The following SLC35F3 variants were observed in gnomAD, a reference collection of about 807,000 sequenced individuals.
SLC35F3 encodes putative thiamine transporter SLC35F3.
Under a neutral mutation model 49.9 loss-of-function variants are expected in SLC35F3, and 25 were observed. That is an observed-to-expected ratio of 0.50 (90% confidence interval 0.37 to 0.70). The LOEUF (loss-of-function observed/expected upper bound fraction) is 0.70, where lower values mean the gene tolerates loss of function less well. SLC35F3 is among the 30% of genes least tolerant of loss of function. The probability of loss-of-function intolerance (pLI) is 0.00; values close to 1 mark genes in which losing one functional copy is unlikely to be tolerated. For synonymous variants in SLC35F3, 275 were observed against 265.4 expected, an observed-to-expected ratio of 1.04 and a Z score of -0.35; for missense variants, 525 against 639.8, an observed-to-expected ratio of 0.82 and a Z score of 1.94.
chr1:234,089,955 T>A (rs1308103203), intron 2 of SLC35F3, among the ~76,000 whole-genome samples: 1 of 152,204 alleles, frequency 6.6e-6, no homozygotes, highest in African/African-American at 2.4e-5. Flanking sequence ...ACCAGGAGAA[T>A]TCCTTTTGAA....
intron 2 of SLC35F3, among the ~76,000 whole-genome samples, chr1:234,024,320 C>T (rs560399707): frequency 6.6e-6 from 1 of 152,090 alleles, no homozygotes; most frequent in African/African-American, 2.4e-5. Flanking sequence ...ATGCTGAGAA[C>T]AGGAGTGGGA....
chr1:234,245,955 G>A (rs1386939496), intron 3 of SLC35F3, among the ~76,000 whole-genome samples: 2 of 152,104 alleles, frequency 1.3e-5, no homozygotes, highest in Non-Finnish European at 2.9e-5. Flanking sequence ...AGGCAGTTAC[G>A]AGCCTGCCCA....
intron 3 of SLC35F3, among the ~76,000 whole-genome samples, chr1:234,266,961 G>C (rs1296345806): frequency 7.3e-6 from 1 of 136,942 alleles, no homozygotes; most frequent in Admixed American, 7.5e-5. Context: ...CAATAGTGGA[G>C]GGAAGGTCAG....
At chr1:233,954,119 G>C (rs985865268) in intron 2 of SLC35F3, among the ~76,000 whole-genome samples, 1 of 151,524 alleles carries the variant, frequency 6.6e-6, no homozygotes. Flanking sequence ...CTATTCTCCT[G>C]CCTCGGCCTC....
chr1:234,206,597 C>T (rs1168578589), intron 2 of SLC35F3, among the ~76,000 whole-genome samples: 1 of 152,124 alleles, frequency 6.6e-6, no homozygotes, highest in Non-Finnish European at 1.5e-5. Flanking sequence ...TAGTGACTTT[C>T]CACGCATTCG....
At chr1:234,315,436 C>T (rs1657465967) in intron 4 of SLC35F3, among the ~76,000 whole-genome samples, 1 of 152,180 alleles carries the variant, frequency 6.6e-6, no homozygotes, top group Non-Finnish European at 1.5e-5. Flanking sequence ...TATGTAAGCA[C>T]CAACTTTGCA....
At position 234,207,762 on chromosome 1, in the gene SLC35F3, G is replaced by A. The variant is rs537216509; in HGVS notation, c.284-23655G>A. Among the ~76,000 whole-genome samples, 643 of 152,276 alleles carry A rather than the reference G, an allele frequency of 4.2e-3. 3 individuals carry two copies. The highest frequency in any genetic ancestry group is 7.9e-3 in the Non-Finnish European group (534 of 68,022). ...CATGCCTATAATCCTAGTGCTTTGA[G>A]AGTCCAAGGCAGGAGGATTGCTTGA... is the stretch of plus-strand genomic sequence containing the variant. On this transcript the variant is annotated intron_variant, in intron 2 of 7. Transcript: ENST00000366618.
chr1:234,150,842 TG>T (rs1439371617), intron 2 of SLC35F3, among the ~76,000 whole-genome samples: 1 of 152,176 alleles, frequency 6.6e-6, no homozygotes, highest in African/African-American at 2.4e-5. Flanking sequence ...CTGGTGTCTG[TG>T]GGGGAAAGAA....
At chr1:233,937,778 G>A (rs1194726166) in intron 2 of SLC35F3, among the ~76,000 whole-genome samples, 2 of 152,162 alleles carry the variant, frequency 1.3e-5, no homozygotes, top group African/African-American at 4.8e-5. Context: ...CACAACTAAG[G>A]CTGGGTCAGT....
intron 2 of SLC35F3, among the ~76,000 whole-genome samples, chr1:234,165,687 A>G (rs554408609): frequency 4.9e-4 from 74 of 152,200 alleles, no homozygotes; most frequent in African/African-American, 1.5e-3. Context: ...CACCTGGCTC[A>G]TTCTTTTTTC....
chr1:234,187,469 A>G (rs575743511), intron 2 of SLC35F3, among the ~76,000 whole-genome samples: 4 of 152,306 alleles, frequency 2.6e-5, no homozygotes, highest in African/African-American at 7.2e-5. Context: ...TCACATTGTG[A>G]ACTTCTGCTC....
At chr1:234,206,271 G>A (rs1666968246) in intron 2 of SLC35F3, among the ~76,000 whole-genome samples, 1 of 152,038 alleles carries the variant, frequency 6.6e-6, no homozygotes, top group Admixed American at 6.5e-5. Context: ...AAGAGGGCCT[G>A]GTTATTTCCT....
At chr1:234,254,342 G>T (rs1043409481) in intron 3 of SLC35F3, among the ~76,000 whole-genome samples, 2 of 152,148 alleles carry the variant, frequency 1.3e-5, no homozygotes, top group African/African-American at 4.8e-5. Flanking sequence ...AACCAAGAAG[G>T]CTCCCACCAG....
intron 2 of SLC35F3, among the ~76,000 whole-genome samples, chr1:234,144,169 C>A (rs1665962931): frequency 6.6e-6 from 1 of 152,148 alleles, no homozygotes; most frequent in Non-Finnish European, 1.5e-5. Context: ...TATAAGCTTC[C>A]TGTGTACTAA....
chr1:233,945,930 A>G (rs1662507098), intron 2 of SLC35F3, among the ~76,000 whole-genome samples: 1 of 152,228 alleles, frequency 6.6e-6, no homozygotes, highest in South Asian at 2.1e-4. Flanking sequence ...GATACATTCA[A>G]TGTTTTAAAT....
intron 2 of SLC35F3, among the ~76,000 whole-genome samples, chr1:234,097,912 A>T (rs1223339296): frequency 6.6e-6 from 1 of 152,214 alleles, no homozygotes; most frequent in African/African-American, 2.4e-5. Context: ...AGGTGATGTG[A>T]TGGTGGTGGT....
chr1:234,283,726 ACAGG>A (rs1045046522), intron 3 of SLC35F3, among the ~76,000 whole-genome samples: 4 of 152,332 alleles, frequency 2.6e-5, no homozygotes, highest in African/African-American at 9.6e-5. Flanking sequence ...CAGACACTAC[ACAGG>A]CACTCTGCAG....
intron 2 of SLC35F3, among the ~76,000 whole-genome samples, chr1:234,102,975 C>A (rs936784175): frequency 1.1e-4 from 16 of 152,168 alleles, no homozygotes; most frequent in Non-Finnish European, 2.4e-4. Context: ...ATCTGCCTGT[C>A]CAATCAACAT....
intron 3 of SLC35F3, among the ~76,000 whole-genome samples, chr1:234,247,694 CATT>C (rs1667657448): frequency 6.7e-6 from 1 of 150,174 alleles, no homozygotes; most frequent in Non-Finnish European, 1.5e-5. Context: ...TTGGCTGGTC[CATT>C]GTTCAGTGGG....
Sources: gnomAD v4.1 joint callset for allele counts (sites outside exome capture counted in the v4.1 genomes callset) on GRCh38, gnomAD v4.1.1 for gene constraint, MANE v1.5 for transcripts, NCBI Gene and HGNC (gene_info 2026-07-23, HGNC 2026-07-21) for gene names.